Variants in PASK observed in about 807,000 individuals in gnomAD.
PASK encodes the protein PAS domain containing serine/threonine kinase.
PASK carries 110 observed loss-of-function variants against 121.0 expected under a neutral mutation model. The observed-to-expected ratio is 0.91, with a 90% CI of 0.78 to 1.06. PASK has a LOEUF of 1.06. PASK is among the 50% of genes least tolerant of loss of function. The pLI is 0.00. For synonymous variants in PASK, 686 were observed against 717.8 expected (o/e 0.96, Z 0.71); for missense variants, 1,643 against 1,702.3 (o/e 0.97, Z 0.61).
chr2:241,149,487 G>A, upstream of PASK: 3 of 650,338 alleles, frequency 4.6e-6, no homozygotes, highest in South Asian at 2.0e-5. Context: ...TTATCCCACC[G>A]ACCAATCGCA....
At chr2:241,147,823 A>G (rs749868265) in intron 1 of PASK, among the ~76,000 whole-genome samples, 11 of 152,196 alleles carry the variant, frequency 7.2e-5, no homozygotes, top group Non-Finnish European at 1.3e-4. Flanking sequence ...TAGGTTACTG[A>G]GAGTTACAAG....
rs1040638477 is a variant in PASK, at chr2:241,123,978, C to G, written c.2875G>C (p.Ala959Pro). 1.9e-6 allele frequency: 3 copies of G among 1,613,902 alleles called. No homozygotes were observed. The highest frequency in any genetic ancestry group is 1.7e-5 in the Admixed American group (1 of 60,028). Reference protein sequence around the residue: ...SLPGSTHSTAAELTGPSLVEV... With the variant: ...SLPGSTHSTAPELTGPSLVEV... ...ACCAGGCTGGGTCCGGTGAGCTCAG[C>G]AGCGGTAGAGTGGGTGGAGCCGGGC... The change falls in exon 11 of 18, where the codon GCT becomes CCT. Residue 959 changes from alanine to proline, a missense_variant. Transcript: ENST00000234040.
chr2:241,150,313 G>A, upstream of PASK: 5 of 1,334,460 alleles, frequency 3.7e-6, no homozygotes, highest in African/African-American at 1.5e-5. Context: ...TGCTCTGGGG[G>A]AGGCGCGGCG....
intron 4 of PASK, 26 bp downstream of exon 4, chr2:241,139,859 T>C: frequency 6.2e-7 from 1 of 1,612,092 alleles, no homozygotes; most frequent in Non-Finnish European, 8.5e-7. Flanking sequence ...GAGGCCAGAC[T>C]GAACGCTGCA....
Position 241,106,503 on chromosome 2 carries a change from A to G in PASK, c.*63T>C. 2 of 1,546,228 alleles carry G rather than the reference A, an allele frequency of 1.3e-6. No individual in the cohort carries two copies. The highest frequency in any genetic ancestry group is 3.4e-4 in the Middle Eastern group (2 of 5,930). ...TTCAGAATGTATTTTCTCCAAACAGATGGAGCCTGAAAACTGTGTGATTTT... is the reference window on the plus strand; with the variant it reads ...TTCAGAATGTATTTTCTCCAAACAGGTGGAGCCTGAAAACTGTGTGATTTT... On this transcript the variant is annotated 3_prime_UTR_variant, in exon 18 of 18. Coordinates refer to ENST00000234040, the MANE Select transcript of PASK (RefSeq NM_015148.4).
chr2:241,133,280 ACC>A, intron 8 of PASK: 2 of 545,762 alleles, frequency 3.7e-6, no homozygotes, highest in Non-Finnish European at 3.3e-6. Flanking sequence ...CACGGCACTC[ACC>A]TGCTGACAAC....
chr2:241,139,447 G>A (rs1013433533), intron 4 of PASK: 2 of 458,790 alleles, frequency 4.4e-6, no homozygotes, highest in Non-Finnish European at 9.1e-6. Flanking sequence ...GCACAGGTGA[G>A]AGAATCAACA....
chr2:241,130,590 A>G (rs2066080157), intron 9 of PASK, among the ~76,000 whole-genome samples: 1 of 152,124 alleles, frequency 6.6e-6, no homozygotes. Flanking sequence ...GCGCACAGCA[A>G]TATTATTCAT....
In PASK at chr2:241,137,007, G is replaced by A; in HGVS notation, c.1134C>T (p.Gly378=). ...CAGGCGCCCAGGGCAGCCCCACCTT[G>A]CCCAGGAGCTCCGTCTTTCCGTAAC... ...LFGYGKTELL[G]KNITFLIPGF... is the part of the protein sequence containing the mutation. The change falls in exon 7 of 18, where the codon GGC becomes GGT. Residue 378 remains glycine, a synonymous_variant. Coordinates refer to ENST00000234040, the MANE Select transcript of PASK (RefSeq NM_015148.4). 6.2e-7 allele frequency: 1 copy of A among 1,612,738 alleles called. No homozygotes were observed. The highest frequency in any genetic ancestry group is 2.2e-5 in the East Asian group (1 of 44,880).
intron 9 of PASK, among the ~76,000 whole-genome samples, chr2:241,128,861 C>CAA (rs369488269): frequency 6.9e-6 from 1 of 144,454 alleles, no homozygotes; most frequent in South Asian, 2.2e-4. Flanking sequence ...AAGACCATCT[C>CAA]AAAAAAAAAA....
intron 11 of PASK, 78 bp from the exon 12 acceptor site, chr2:241,122,977 G>A: frequency 7.0e-7 from 1 of 1,427,126 alleles, no homozygotes; most frequent in Admixed American, 1.9e-5. Flanking sequence ...TGGTCCCCCT[G>A]CGTCTTCAGC....
rs1222582964 is a variant in PASK at position 241,138,087 on chromosome 2, C to T, written c.742G>A (p.Gly248Ser). ...VSTWVAFQSD[G>S]TVTSCDSLFA... ...AGACTGTCACATGACGTGACGGTGC[C>T]CTGGAGGAAAAGCCCCGTGCTTATC... Residue 248 changes from glycine to serine, a missense_variant and splice_region_variant, in exon 6 of 18, where the codon GGC becomes AGC. Gly to Ser is a moderately conservative substitution (Grantham distance 56). Transcript: ENST00000234040. 12 of 1,613,994 alleles carry T rather than the reference C, an allele frequency of 7.4e-6. No homozygotes were observed. The highest frequency in any genetic ancestry group is 1.0e-5 in the Non-Finnish European group (12 of 1,179,976).
chr2:241,117,864 G>GA (rs1262470783), intron 12 of PASK, among the ~76,000 whole-genome samples: 1 of 152,060 alleles, frequency 6.6e-6, no homozygotes, highest in Non-Finnish European at 1.5e-5. Context: ...ATCCTTCCTG[G>GA]AAAAACTGGC....
chr2:241,136,373 G>T (rs1415653186), intron 7 of PASK, among the ~76,000 whole-genome samples: 1 of 152,226 alleles, frequency 6.6e-6, no homozygotes, highest in Non-Finnish European at 1.5e-5. Flanking sequence ...ACCTCACGCG[G>T]CTCACTGGTG....
intron 3 of PASK, 145 bp downstream of exon 3, chr2:241,140,376 T>G: frequency 1.4e-6 from 1 of 727,276 alleles, no homozygotes; most frequent in Non-Finnish European, 2.5e-6. Flanking sequence ...CAGGCTGGTC[T>G]TGAACTCCTG....
chr2:241,129,553 G>A (rs2058062), intron 9 of PASK, among the ~76,000 whole-genome samples: 23,901 of 152,224 alleles, frequency 0.16, 2,841 homozygotes, highest in East Asian at 0.65. Context: ...CAATTTGACC[G>A]TCCAATGCTT....
chr2:241,135,851 G>A lies in PASK; in HGVS notation c.1306+20C>T. 6.2e-7 allele frequency: 1 copy of A among 1,610,964 alleles called. No homozygotes were observed. On this transcript the variant is annotated intron_variant, in intron 8 of 17. Transcript: ENST00000234040. The stretch of plus-strand genomic sequence containing the variant: ...GGCTCAGCAGCTACAGGCGCATTCA[G>A]GAGGAAGAGGACGTCTTACCCTGGC...
At chr2:241,117,779 A>G (rs2065438585) in intron 12 of PASK, among the ~76,000 whole-genome samples, 1 of 152,230 alleles carries the variant, frequency 6.6e-6, no homozygotes, top group Admixed American at 6.5e-5. Context: ...GGAGAAAGGC[A>G]TATCATCACT....
At position 241,137,995 on chromosome 2, in the gene PASK, G is replaced by C. The variant is rs765783728; in HGVS notation, c.834C>G (p.Ile278Met). ...DVAGQHITDL[I>M]PSVQLPPSGQ... is the part of the protein sequence containing the mutation. Reference sequence around the variant, plus strand: ...CAGAAGGAGGGAGCTGCACAGAAGGGATCAGGTCTGTGATATGCTGCCCAG... The same window carrying C: ...CAGAAGGAGGGAGCTGCACAGAAGGCATCAGGTCTGTGATATGCTGCCCAG... Residue 278 changes from isoleucine (I) to methionine (M), a missense_variant, in exon 6 of 18, where the codon ATC becomes ATG. This residue lies in a region of PASK where 1,176 missense variants were observed against 1,162.2 expected (regional missense o/e 1.01). Coordinates refer to ENST00000234040, the MANE Select transcript of PASK (RefSeq NM_015148.4). 4 of 1,614,192 alleles carry C rather than the reference G, an allele frequency of 2.5e-6. No individual in the cohort carries two copies. The East Asian group carries it at 6.7e-5, about 27-fold the overall frequency.
Sources: allele counts gnomAD v4.1 joint callset (sites outside exome capture counted in the v4.1 genomes callset), GRCh38; gene constraint gnomAD v4.1.1; regional missense constraint gnomAD v4.1.1; transcripts MANE v1.5; gene names NCBI Gene and HGNC (gene_info 2026-07-23, HGNC 2026-07-21).